NELL1: variants seen among roughly 807,000 people sequenced by gnomAD.
The protein encoded by NELL1 is neural EGFL like 1.
NELL1 carries 76 observed loss-of-function variants against 107.4 expected under a neutral mutation model. The observed-to-expected ratio is 0.71, with a 90% CI of 0.59 to 0.86. The LOEUF (loss-of-function observed/expected upper bound fraction) is 0.86. NELL1 is among the 40% of genes least tolerant of loss of function. NELL1 has a pLI of 0.00. For missense variants in NELL1, 1,024 were observed against 1,005.5 expected (o/e 1.02, Z -0.25); for synonymous variants, 353 against 341.2 (o/e 1.03, Z -0.38).
chr11:21,536,232 G>T (rs1356409479), intron 16 of NELL1, among the ~76,000 whole-genome samples: 1 of 152,106 alleles, frequency 6.6e-6, no homozygotes, highest in Non-Finnish European at 1.5e-5. Flanking sequence ...TACACAATAG[G>T]TAGCCTTCCA....
intron 3 of NELL1, among the ~76,000 whole-genome samples, chr11:20,805,523 T>C (rs1000206626): frequency 6.6e-6 from 1 of 152,176 alleles, no homozygotes; most frequent in East Asian, 1.9e-4. Context: ...TTTATTTTAA[T>C]TATTATTATT....
At chr11:20,744,144 T>A (rs1739118615) in intron 2 of NELL1, among the ~76,000 whole-genome samples, 1 of 152,132 alleles carries the variant, frequency 6.6e-6, no homozygotes, top group Non-Finnish European at 1.5e-5. Flanking sequence ...GCTTAGAAAA[T>A]CACAATAGCC....
At chr11:21,040,963 T>C (rs896912690) in intron 12 of NELL1, among the ~76,000 whole-genome samples, 2 of 152,216 alleles carry the variant, frequency 1.3e-5, no homozygotes, top group African/African-American at 4.8e-5. Flanking sequence ...AAAAGCAATG[T>C]CACCTGCTGT....
intron 3 of NELL1, among the ~76,000 whole-genome samples, chr11:20,787,082 AC>A (rs1232706012): frequency 2.0e-5 from 3 of 151,622 alleles, no homozygotes; most frequent in African/African-American, 7.3e-5. Flanking sequence ...ACCATGAAAG[AC>A]AAGTACGAAA....
At chr11:21,502,913 G>C (rs1855179235) in intron 15 of NELL1, among the ~76,000 whole-genome samples, 1 of 151,906 alleles carries the variant, frequency 6.6e-6, no homozygotes, top group Non-Finnish European at 1.5e-5. Flanking sequence ...ATGGAATTTT[G>C]TTCTTGTTGC....
At chr11:20,719,064 G>A (rs562866208) in intron 2 of NELL1, among the ~76,000 whole-genome samples, 52 of 152,358 alleles carry the variant, frequency 3.4e-4, no homozygotes, top group African/African-American at 1.1e-3. Flanking sequence ...TTTGCTTAAA[G>A]CAAGTTCCAT....
At chr11:20,872,873 T>C (rs10766738) in intron 4 of NELL1, among the ~76,000 whole-genome samples, 90,950 of 151,930 alleles carry the variant, frequency 0.6, 30,271 homozygotes, top group Non-Finnish European at 0.75. Flanking sequence ...AGCTTTAAAC[T>C]AGTACATGAG....
chr11:21,105,787 C>T (rs576869413), intron 12 of NELL1, among the ~76,000 whole-genome samples: 1 of 113,642 alleles, frequency 8.8e-6, no homozygotes, highest in Non-Finnish European at 1.8e-5. Flanking sequence ...CCTCCCCTCC[C>T]CTCCCCAACC....
chr11:21,509,252 A>C (rs865910611), intron 15 of NELL1, among the ~76,000 whole-genome samples: 15 of 152,206 alleles, frequency 9.9e-5, no homozygotes, highest in African/African-American at 3.4e-4. Flanking sequence ...CAACAGAAAA[A>C]AATGTATACT....
intron 12 of NELL1, among the ~76,000 whole-genome samples, chr11:21,075,797 A>T (rs117793326): frequency 2.0e-5 from 3 of 152,202 alleles, no homozygotes; most frequent in Non-Finnish European, 4.4e-5. Flanking sequence ...TCTTGAATTC[A>T]TAAGAATGTA....
At chr11:20,773,310 A>T (rs112681409) in intron 2 of NELL1, among the ~76,000 whole-genome samples, 2,323 of 152,236 alleles carry the variant, frequency 0.015, 66 homozygotes, top group African/African-American at 0.053. Flanking sequence ...AAGCTAACAG[A>T]TGTCATGTGC....
intron 4 of NELL1, among the ~76,000 whole-genome samples, chr11:20,863,701 G>A (rs992824700): frequency 3.3e-5 from 5 of 152,090 alleles, no homozygotes; most frequent in Non-Finnish European, 7.4e-5. Flanking sequence ...CTTCCCAGAC[G>A]GGGTGGTGAC....
intron 11 of NELL1, 75 bp from the exon 12 acceptor site, chr11:20,960,357 A>G: frequency 6.9e-7 from 1 of 1,453,300 alleles, no homozygotes; most frequent in Non-Finnish European, 9.5e-7. Context: ...ATAATAAAAA[A>G]TGTTACATAC....
intron 15 of NELL1, among the ~76,000 whole-genome samples, chr11:21,498,868 T>C (rs1340679734): frequency 1.3e-5 from 2 of 152,066 alleles, no homozygotes; most frequent in Admixed American, 1.3e-4. Context: ...CTTTTGTGTT[T>C]ATTTGCCTTT....
At chr11:21,555,510 A>G (rs1234046004) in intron 16 of NELL1, among the ~76,000 whole-genome samples, 1 of 151,810 alleles carries the variant, frequency 6.6e-6, no homozygotes, top group Non-Finnish European at 1.5e-5. Flanking sequence ...ACAGTGTTAT[A>G]TTTTTCCTTT....
chr11:20,888,885 G>A (rs185690191), intron 5 of NELL1, among the ~76,000 whole-genome samples: 2 of 152,238 alleles, frequency 1.3e-5, no homozygotes, highest in East Asian at 3.9e-4. Flanking sequence ...CATCTCCAAT[G>A]GCCTAGCTCA....
chr11:21,463,444 A>T (rs1853949853), intron 15 of NELL1, among the ~76,000 whole-genome samples: 1 of 152,118 alleles, frequency 6.6e-6, no homozygotes, highest in Non-Finnish European at 1.5e-5. Flanking sequence ...TGTGTTTCTC[A>T]GCTCTAGACT....
chr11:21,023,485 TTG>T (rs1430055554), intron 12 of NELL1, among the ~76,000 whole-genome samples: 2 of 152,010 alleles, frequency 1.3e-5, no homozygotes, highest in South Asian at 2.1e-4. Context: ...TCATTTTAAT[TTG>T]TGTGTGTGTG....
intron 14 of NELL1, among the ~76,000 whole-genome samples, chr11:21,309,764 G>A (rs928874491): frequency 3.9e-5 from 6 of 151,948 alleles, no homozygotes; most frequent in African/African-American, 1.4e-4. Context: ...GCTTGTACAG[G>A]GAAAGTCCCA....
Sources: gnomAD v4.1 joint callset for allele counts (sites outside exome capture counted in the v4.1 genomes callset) on GRCh38, gnomAD v4.1.1 for gene constraint, MANE v1.5 for transcripts, NCBI Gene and HGNC (gene_info 2026-07-23, HGNC 2026-07-21) for gene names.